Variants in KIF2A observed in about 807,000 individuals in gnomAD.
KIF2A encodes kinesin family member 2A.
In KIF2A, 22 loss-of-function variants were observed where a neutral mutation model predicts 100.2. The ratio of observed to expected loss-of-function variants is 0.22; its 90% confidence interval spans 0.16 to 0.31. The LOEUF (loss-of-function observed/expected upper bound fraction) is 0.31. Ranked by LOEUF, KIF2A falls within the 10% of genes least tolerant of loss-of-function variation. KIF2A has a pLI of 1.00. For missense variants in KIF2A, 495 were observed against 898.7 expected (o/e 0.55, Z 5.74); for synonymous variants, 268 against 285.9 (o/e 0.94, Z 0.63).
intron 1 of KIF2A, among the ~76,000 whole-genome samples, chr5:62,334,045 T>C (rs1746792498): frequency 6.6e-6 from 1 of 152,172 alleles, no homozygotes; most frequent in Non-Finnish European, 1.5e-5. Context: ...CTGGAATTAA[T>C]ATCTTTCCAT....
Position 62,339,196 on chromosome 5 carries a change from G to A in KIF2A, c.65-7934G>A, listed in dbSNP as rs1320534210. Among the ~76,000 whole-genome samples the A allele has an allele frequency of 3.3e-5, 5 of 152,146 alleles. No homozygotes were observed. In the South Asian group the frequency reaches 6.2e-4, roughly 19 times the overall value. ...GGAAGGTCTCATGAAGGCTAAGGGG[G>A]AGCAGGAGCAAGAGAGAGGGAGATG... is the stretch of plus-strand genomic sequence containing the variant. On this transcript the variant is annotated intron_variant, in intron 1 of 20. Transcript: ENST00000407818.
chr5:62,385,995 TA>T lies in KIF2A; in HGVS notation c.*427del, dbSNP rs1214818325. ...TGCATACCTCATCAGTGATTGTACA[TA>T]CCTTGCCCACTCCTAGAGACAGCTG... is the stretch of plus-strand genomic sequence containing the variant. On this transcript the variant is annotated 3_prime_UTR_variant, in exon 21 of 21. Transcript: ENST00000407818. 6.2e-6 allele frequency: 1 copy of T among 160,068 alleles called. No homozygotes were observed. Among genetic ancestry groups the T allele is most frequent in the Non-Finnish European group, 1.4e-5 (1 of 72,552 alleles). 9.9% of individuals were successfully genotyped at this position (160,068 alleles called of 1,614,324 possible).
intron 1 of KIF2A, among the ~76,000 whole-genome samples, chr5:62,317,569 AC>A (rs1488828413): frequency 2.6e-5 from 4 of 152,326 alleles, no homozygotes; most frequent in African/African-American, 9.6e-5. Flanking sequence ...TCCTCTACAT[AC>A]TAATTCATTG....
At chr5:62,341,433 T>G (rs1747285358) in intron 1 of KIF2A, among the ~76,000 whole-genome samples, 1 of 151,994 alleles carries the variant, frequency 6.6e-6, no homozygotes, top group Non-Finnish European at 1.5e-5. Flanking sequence ...CCCAAGTTGC[T>G]GGGCCTGTAG....
chr5:62,381,016 A>G, intron 19 of KIF2A, 102 bp from the exon 20 acceptor site: 1 of 831,900 alleles, frequency 1.2e-6, no homozygotes, highest in Non-Finnish European at 1.9e-6. Flanking sequence ...GACATTTTAG[A>G]GAATACTATC....
intron 1 of KIF2A, among the ~76,000 whole-genome samples, chr5:62,312,396 C>T (rs1579994966): frequency 6.6e-6 from 1 of 152,174 alleles, no homozygotes; most frequent in Non-Finnish European, 1.5e-5. Context: ...ATCATCTAGA[C>T]CCCGTTCTTT....
At chr5:62,374,534 A>C (rs1311913856) in intron 18 of KIF2A, among the ~76,000 whole-genome samples, 1 of 152,198 alleles carries the variant, frequency 6.6e-6, no homozygotes, top group Admixed American at 6.6e-5. Flanking sequence ...CTCCCAATCT[A>C]AACCATTCAT....
At chr5:62,366,371 T>C (rs982924141) in intron 15 of KIF2A, 43 bp from the exon 16 acceptor site, 1 of 1,231,516 alleles carries the variant, frequency 8.1e-7, no homozygotes, top group Non-Finnish European at 1.2e-6. Context: ...GTCTTGATCA[T>C]TTATAACATT....
At chr5:62,309,536 C>G (rs1029602759) in intron 1 of KIF2A, among the ~76,000 whole-genome samples, 1 of 152,174 alleles carries the variant, frequency 6.6e-6, no homozygotes, top group Admixed American at 6.6e-5. Context: ...TGTTTGCTTC[C>G]TCTCACTTCC....
Position 62,306,458 on chromosome 5 carries a change from G to T in KIF2A, c.-15G>T. Reference sequence around the variant, plus strand: ...CCCCCTCCCTCGGCCCGCTGCTGCTGCTCCAGATGAGGTGATGGCAACGGC... The same window carrying T: ...CCCCCTCCCTCGGCCCGCTGCTGCTTCTCCAGATGAGGTGATGGCAACGGC... On this transcript the variant is annotated 5_prime_UTR_variant, in exon 1 of 21. Transcript: ENST00000407818. The T allele has an allele frequency of 6.5e-7, 1 of 1,541,312 alleles. No homozygotes were observed.
At position 62,389,281 on chromosome 5, in the gene KIF2A, T is replaced by C. The variant is rs1214552560; in HGVS notation, c.*3712T>C. Among the ~76,000 whole-genome samples the C allele has an allele frequency of 6.6e-6, 1 of 151,876 alleles. No individual in the cohort carries two copies. The highest frequency in any genetic ancestry group is 1.5e-5 in the Non-Finnish European group (1 of 67,968). ...CGGGTGGATTACCTGAGGTCAGTAG[T>C]TCGAGAACAGTCTGGCCAACATGGT... On this transcript the variant is annotated 3_prime_UTR_variant, in exon 21 of 21. Coordinates refer to ENST00000407818, the MANE Select transcript of KIF2A (RefSeq NM_001098511.3).
chr5:62,314,900 T>C (rs951385212), intron 1 of KIF2A, among the ~76,000 whole-genome samples: 1 of 151,490 alleles, frequency 6.6e-6, no homozygotes, highest in Non-Finnish European at 1.5e-5. Context: ...GTAGCTGAGA[T>C]TATAGGCACG....
At chr5:62,308,417 A>G (rs1342220922) in intron 1 of KIF2A, 27 of 1,210,350 alleles carry the variant, frequency 2.2e-5, no homozygotes, top group Non-Finnish European at 2.8e-5. Context: ...GGGAGAGGAA[A>G]TCACCACCTT....
At chr5:62,372,901 A>G (rs1010256740) in intron 17 of KIF2A, among the ~76,000 whole-genome samples, 6 of 152,114 alleles carry the variant, frequency 3.9e-5, no homozygotes, top group Admixed American at 2.0e-4. Flanking sequence ...GTATGATCTT[A>G]TAAGTTTCCT....
At chr5:62,354,951 T>C (rs1309645298) in intron 6 of KIF2A, among the ~76,000 whole-genome samples, 2 of 152,152 alleles carry the variant, frequency 1.3e-5, no homozygotes, top group African/African-American at 2.4e-5. Flanking sequence ...ACTAAGAGAA[T>C]TGTGTTTGTA....
At chr5:62,385,371 A>T in intron 20 of KIF2A, 113 bp from the exon 21 acceptor site, 1 of 680,752 alleles carries the variant, frequency 1.5e-6, no homozygotes. Flanking sequence ...AAAAGGAAAA[A>T]TACTGAGTTA....
Position 62,339,871 on chromosome 5 carries a change from G to A in KIF2A, c.65-7259G>A, listed in dbSNP as rs181536628. ...CTGTGTGTGTGTGTTACATTTAAAGGTGATAAAACTATAAAGAAAAGCCAA... is the reference window on the plus strand; with the variant it reads ...CTGTGTGTGTGTGTTACATTTAAAGATGATAAAACTATAAAGAAAAGCCAA... On this transcript the variant is annotated intron_variant, in intron 1 of 20. Transcript: ENST00000407818. Among the ~76,000 whole-genome samples the A allele has an allele frequency of 7.0e-4, 105 of 150,982 alleles. 2 individuals are homozygous for A. Among genetic ancestry groups the A allele is most frequent in the African/African-American group, 2.5e-3 (101 of 41,138 alleles).
rs769476588 is a variant in KIF2A at position 62,325,324 on chromosome 5, A to G, written c.64+18788A>G. On this transcript the variant is annotated intron_variant, in intron 1 of 20. Transcript: ENST00000407818. ...TTTATAGTAGAGATGGGGTTTCGCC[A>G]TGTTGGCCAGGCTGGTCTCGAACTC... 4.6e-5 allele frequency among the ~76,000 whole-genome samples: 7 copies of G among 152,062 alleles called. No homozygotes were observed. The South Asian group carries it at 1.2e-3, about 27-fold the overall frequency.
chr5:62,382,716 C>T (rs1414514250), intron 20 of KIF2A, among the ~76,000 whole-genome samples: 1 of 151,178 alleles, frequency 6.6e-6, no homozygotes, highest in Non-Finnish European at 1.5e-5. Flanking sequence ...TCAATGCAAC[C>T]TCTACCTCCC....
Sources: gnomAD v4.1 joint callset for allele counts (sites outside exome capture counted in the v4.1 genomes callset) on GRCh38, gnomAD v4.1.1 for gene constraint, MANE v1.5 for transcripts, NCBI Gene and HGNC (gene_info 2026-07-23, HGNC 2026-07-21) for gene names.